Variants in HSF2BP observed in about 807,000 individuals in gnomAD.
HSF2BP encodes the protein heat shock transcription factor 2 binding protein.
Under a neutral mutation model 35.0 loss-of-function variants are expected in HSF2BP, and 35 were observed. The ratio of observed to expected loss-of-function variants is 1.00; its 90% CI spans 0.76 to 1.32. The LOEUF is 1.32. Ranked by LOEUF, HSF2BP falls within the 40% of genes most tolerant of loss-of-function variation. The pLI is 0.00. For synonymous variants in HSF2BP, 114 were observed against 117.4 expected, an observed-to-expected ratio of 0.97 and a Z score of 0.18; for missense variants, 326 against 321.7, an observed-to-expected ratio of 1.01 and a Z score of -0.10.
intron 3 of HSF2BP, among the ~76,000 whole-genome samples, chr21:43,651,421 A>G (rs990792928): frequency 6.6e-6 from 1 of 151,934 alleles, no homozygotes; most frequent in South Asian, 2.1e-4. Flanking sequence ...CATTCCATCC[A>G]TACAGCCACA....
chr21:43,632,518 G>A (rs943983745), intron 5 of HSF2BP, among the ~76,000 whole-genome samples: 1 of 151,446 alleles, frequency 6.6e-6, no homozygotes, highest in African/African-American at 2.4e-5. Flanking sequence ...TTGAAAACAA[G>A]GGTTTGAACT....
intron 7 of HSF2BP, among the ~76,000 whole-genome samples, chr21:43,601,453 C>T (rs1219140054): frequency 6.6e-6 from 1 of 152,148 alleles, no homozygotes; most frequent in Non-Finnish European, 1.5e-5. Context: ...TGATTTTTTT[C>T]TTTTGCCTAT....
intron 8 of HSF2BP, among the ~76,000 whole-genome samples, chr21:43,588,657 T>C (rs557172668): frequency 2.6e-5 from 4 of 152,264 alleles, no homozygotes; most frequent in African/African-American, 9.6e-5. Flanking sequence ...CTTAAAGCCA[T>C]GACTGGTACT....
chr21:43,650,280 C>A (rs1196152122), intron 3 of HSF2BP, among the ~76,000 whole-genome samples: 3 of 152,082 alleles, frequency 2.0e-5, no homozygotes. Flanking sequence ...GATCTCGGCT[C>A]ACTGCAAGCT....
At chr21:43,585,560 G>A (rs1179824487) in intron 8 of HSF2BP, among the ~76,000 whole-genome samples, 2 of 151,584 alleles carry the variant, frequency 1.3e-5, no homozygotes, top group African/African-American at 2.4e-5. Context: ...CAGGGGAATC[G>A]CTTGAACCCA....
At chr21:43,585,218 G>A (rs867940206) in intron 8 of HSF2BP, among the ~76,000 whole-genome samples, 12 of 152,152 alleles carry the variant, frequency 7.9e-5, no homozygotes, top group African/African-American at 2.9e-4. Flanking sequence ...GGCTGGAGCA[G>A]GAGGATCCCA....
At chr21:43,603,207 A>G (rs2082072523) in intron 7 of HSF2BP, among the ~76,000 whole-genome samples, 2 of 152,170 alleles carry the variant, frequency 1.3e-5, no homozygotes, top group Admixed American at 6.5e-5. Context: ...GAGAAAGAGG[A>G]GCCGTAGAAA....
chr21:43,593,300 G>T (rs2081949189), intron 7 of HSF2BP, among the ~76,000 whole-genome samples: 1 of 152,124 alleles, frequency 6.6e-6, no homozygotes, highest in South Asian at 2.1e-4. Context: ...AAATCCCCAA[G>T]CCAGTAATTT....
intron 8 of HSF2BP, among the ~76,000 whole-genome samples, chr21:43,584,802 T>C (rs530424583): frequency 2.0e-5 from 3 of 152,140 alleles, no homozygotes; most frequent in Non-Finnish European, 4.4e-5. Flanking sequence ...GAAAGACCCT[T>C]GGGAGTTTCC....
In HSF2BP at chr21:43,626,108, G is replaced by A. The variant is rs190341562; in HGVS notation, c.574+4214C>T. ...TACAACTGTAGGTGCCATGATGAAC[G>A]TATAGAATGCTGCCCTGCACTGGAG... is the stretch of plus-strand genomic sequence containing the variant. On this transcript the variant is annotated intron_variant, in intron 6 of 8. Transcript: ENST00000291560. 3.5e-4 allele frequency among the ~76,000 whole-genome samples: 54 copies of A among 152,296 alleles called. No homozygotes were observed. In the East Asian group the frequency reaches 8.7e-3, roughly 24 times the overall value.
chr21:43,645,155 C>A (rs928652606), intron 3 of HSF2BP, among the ~76,000 whole-genome samples: 64 of 152,154 alleles, frequency 4.2e-4, no homozygotes, highest in African/African-American at 1.4e-3. Context: ...CCAACATATA[C>A]CAAGATTTGA....
intron 8 of HSF2BP, among the ~76,000 whole-genome samples, chr21:43,580,903 A>G (rs1235898082): frequency 6.6e-6 from 1 of 152,230 alleles, no homozygotes; most frequent in Non-Finnish European, 1.5e-5. Flanking sequence ...ACATCACTGA[A>G]TATTCACTAG....
intron 8 of HSF2BP, 84 bp downstream of exon 8, chr21:43,592,141 A>C (rs970326045): frequency 5.9e-6 from 5 of 846,044 alleles, no homozygotes; most frequent in Middle Eastern, 2.2e-4. Flanking sequence ...ATCTACTAGG[A>C]AACTTGGAAC....
At chr21:43,496,187 T>A in the HSF2BP span, among the ~76,000 whole-genome samples, 1 of 123,630 alleles carries the variant, frequency 8.1e-6, no homozygotes, top group Non-Finnish European at 1.8e-5. Context: ...AACTAATAAA[T>A]GAATTCAGCA....
Position 43,657,827 on chromosome 21 carries a change from C to A in HSF2BP, c.36+234G>T, listed in dbSNP as rs572540161. 6.1e-6 allele frequency: 6 copies of A among 985,374 alleles called. No individual in the cohort carries two copies. The African/African-American group carries it at 1.0e-4, about 17-fold the overall frequency. The allele number at this position is 985,374 out of a possible 1,614,324, so 61.0% of individuals were successfully genotyped here. ...CCGCTTTGGCGCCACTGAGTGCCCCCACCACGCGCAGCCTCACAGACCGGG... is the reference window on the plus strand; with the variant it reads ...CCGCTTTGGCGCCACTGAGTGCCCCAACCACGCGCAGCCTCACAGACCGGG... On this transcript the variant is annotated intron_variant, in intron 2 of 8. Transcript: ENST00000291560.
intron 8 of HSF2BP, among the ~76,000 whole-genome samples, chr21:43,572,694 T>C (rs9983752): frequency 0.047 from 7,178 of 152,262 alleles, 544 homozygotes; most frequent in African/African-American, 0.16. Flanking sequence ...TAACCAATGA[T>C]GTCTGGCAAA....
chr21:43,626,233 C>T (rs1488588801), intron 6 of HSF2BP, among the ~76,000 whole-genome samples: 1 of 151,938 alleles, frequency 6.6e-6, no homozygotes, highest in Non-Finnish European at 1.5e-5. Context: ...ACAGACCTAC[C>T]CCATTAGGAT....
chr21:43,603,737 T>C (rs2082079297), intron 7 of HSF2BP, among the ~76,000 whole-genome samples: 1 of 152,096 alleles, frequency 6.6e-6, no homozygotes, highest in Non-Finnish European at 1.5e-5. Context: ...TGGAAGTTCC[T>C]AGATTTGGAG....
chr21:43,600,703 A>C (rs1221463799), intron 7 of HSF2BP, among the ~76,000 whole-genome samples: 1 of 152,218 alleles, frequency 6.6e-6, no homozygotes, highest in Non-Finnish European at 1.5e-5. Flanking sequence ...TTATGTTACA[A>C]TGAAGACATA....
Sources: gnomAD v4.1 joint callset for allele counts (sites outside exome capture counted in the v4.1 genomes callset) on GRCh38, gnomAD v4.1.1 for gene constraint, MANE v1.5 for transcripts, NCBI Gene and HGNC (gene_info 2026-07-23, HGNC 2026-07-21) for gene names.